The following KDM4C variants were observed in gnomAD, a reference collection of about 807,000 sequenced individuals.
KDM4C encodes the protein lysine-specific demethylase 4C.
Under a neutral mutation model 129.3 loss-of-function variants are expected in KDM4C, and 81 were observed. That is an observed-to-expected ratio of 0.63 (90% CI 0.52 to 0.75). The LOEUF (loss-of-function observed/expected upper bound fraction) is 0.75. Ranked by LOEUF, KDM4C falls within the 30% of genes least tolerant of loss-of-function variation. The pLI is 0.00. For synonymous variants in KDM4C, 573 were observed against 456.1 expected (o/e 1.26, Z -3.26); for missense variants, 1,457 against 1,304.0 (o/e 1.12, Z -1.81).
chr9:7,150,416 C>G (rs112300297), intron 19 of KDM4C, among the ~76,000 whole-genome samples: 1 of 152,228 alleles, frequency 6.6e-6, no homozygotes, highest in Non-Finnish European at 1.5e-5. Flanking sequence ...GTTCCCACCT[C>G]TTTGCCTAAC....
At chr9:6,937,804 C>T (rs1033565512) in intron 8 of KDM4C, among the ~76,000 whole-genome samples, 10 of 152,068 alleles carry the variant, frequency 6.6e-5, no homozygotes, top group East Asian at 5.8e-4. Flanking sequence ...CTCTGCCTCC[C>T]GGGTTCAAGC....
intron 9 of KDM4C, among the ~76,000 whole-genome samples, chr9:6,983,802 C>T (rs1045544132): frequency 6.6e-6 from 1 of 151,934 alleles, no homozygotes. Context: ...TTATTTTCTT[C>T]ATTTTCTAAA....
At chr9:6,957,163 A>AT (rs1829212477) in intron 8 of KDM4C, among the ~76,000 whole-genome samples, 1 of 152,126 alleles carries the variant, frequency 6.6e-6, no homozygotes, top group African/African-American at 2.4e-5. Flanking sequence ...AAGCTGTTTT[A>AT]TTTGTAATGC....
At chr9:7,000,842 G>A (rs1185162853) in intron 12 of KDM4C, among the ~76,000 whole-genome samples, 2 of 152,070 alleles carry the variant, frequency 1.3e-5, no homozygotes, top group Non-Finnish European at 2.9e-5. Flanking sequence ...CCTTTTCTTT[G>A]GTTGTAAAAT....
At chr9:6,775,910 C>G (rs1416908341) in intron 1 of KDM4C, among the ~76,000 whole-genome samples, 3 of 152,166 alleles carry the variant, frequency 2.0e-5, no homozygotes, top group African/African-American at 7.2e-5. Flanking sequence ...ACAGCATCTA[C>G]CCATTAGATG....
chr9:7,031,909 G>A (rs1826848383), intron 15 of KDM4C, among the ~76,000 whole-genome samples: 1 of 152,138 alleles, frequency 6.6e-6, no homozygotes. Context: ...CCCTAGTACT[G>A]CTAAATTTTG....
intron 5 of KDM4C, among the ~76,000 whole-genome samples, chr9:6,873,910 G>A (rs993273485): frequency 2.0e-5 from 3 of 146,724 alleles, no homozygotes; most frequent in African/African-American, 7.7e-5. Flanking sequence ...AGGCGAGAGA[G>A]AGAGCGAGAG....
In KDM4C at chr9:6,915,318, A is replaced by G. The variant is rs556966794; in HGVS notation, c.921+22086A>G. Among the ~76,000 whole-genome samples, 7 of 152,188 alleles carry G rather than the reference A, an allele frequency of 4.6e-5. No individual in the cohort carries two copies. The South Asian group carries it at 1.2e-3, about 27-fold the overall frequency. Reference sequence around the variant, plus strand: ...TTTTAGGTGCTTCAGATTTCCTGTGAGGGGTTTAGGGGGTTGCATAGTAAA... The same window carrying G: ...TTTTAGGTGCTTCAGATTTCCTGTGGGGGGTTTAGGGGGTTGCATAGTAAA... On this transcript the variant is annotated intron_variant, in intron 8 of 21. Transcript: ENST00000381309.
At chr9:6,904,349 C>T (rs1315365402) in intron 8 of KDM4C, among the ~76,000 whole-genome samples, 1 of 151,664 alleles carries the variant, frequency 6.6e-6, no homozygotes, top group Non-Finnish European at 1.5e-5. Context: ...TAGATACTTA[C>T]TACAAGAAAA....
chr9:6,759,283 T>A (rs1465564281), intron 1 of KDM4C, among the ~76,000 whole-genome samples: 2 of 152,150 alleles, frequency 1.3e-5, no homozygotes, highest in East Asian at 1.9e-4. Context: ...TTTAAAAAAA[T>A]GTCTAAATTC....
chr9:6,918,624 T>C (rs1214384104), intron 8 of KDM4C, among the ~76,000 whole-genome samples: 5 of 152,212 alleles, frequency 3.3e-5, no homozygotes, highest in Non-Finnish European at 5.9e-5. Flanking sequence ...TGAATTAATT[T>C]ACATCCCTAC....
rs181922587 is a variant in KDM4C, at chr9:7,099,534, A to T, written c.2425-4151A>T. On this transcript the variant is annotated intron_variant, in intron 17 of 21. Transcript: ENST00000381309. Reference sequence around the variant, plus strand: ...CCTTGACACTGAAGAATAGGTGAAAAAAAATCATTGCACTTCCTTAACTCC... The same window carrying T: ...CCTTGACACTGAAGAATAGGTGAAATAAAATCATTGCACTTCCTTAACTCC... 2.2e-4 allele frequency among the ~76,000 whole-genome samples: 34 copies of T among 152,330 alleles called. No homozygotes were observed. In the East Asian group the frequency reaches 3.5e-3, roughly 16 times the overall value.
At chr9:7,049,532 T>C (rs1829860751) in intron 17 of KDM4C, among the ~76,000 whole-genome samples, 1 of 152,144 alleles carries the variant, frequency 6.6e-6, no homozygotes, top group Admixed American at 6.5e-5. Context: ...TTAAATTGTT[T>C]AGATTTTTCT....
chr9:6,912,858 A>C (rs1253711696), intron 8 of KDM4C, among the ~76,000 whole-genome samples: 1 of 152,126 alleles, frequency 6.6e-6, no homozygotes, highest in Admixed American at 6.5e-5. Flanking sequence ...ACTTTTGATA[A>C]AGAAATAAGG....
chr9:6,733,730 A>G (rs1466531038), intron 1 of KDM4C, among the ~76,000 whole-genome samples: 1 of 152,172 alleles, frequency 6.6e-6, no homozygotes, highest in Non-Finnish European at 1.5e-5. Context: ...GGAATAAAAG[A>G]ATGGCTATTC....
intron 4 of KDM4C, among the ~76,000 whole-genome samples, chr9:6,833,243 A>AT (rs966601543): frequency 8.6e-5 from 13 of 151,910 alleles, no homozygotes; most frequent in Non-Finnish European, 1.3e-4. Flanking sequence ...TATTTAGCCT[A>AT]TTTTTTTTAA....
At chr9:6,980,079 C>A (rs190813566) in intron 8 of KDM4C, among the ~76,000 whole-genome samples, 1 of 152,106 alleles carries the variant, frequency 6.6e-6, no homozygotes, top group African/African-American at 2.4e-5. Flanking sequence ...CAAAACTGTT[C>A]AGTCAGTCTG....
chr9:6,935,958 T>A (rs1043297813), intron 8 of KDM4C, among the ~76,000 whole-genome samples: 14 of 150,694 alleles, frequency 9.3e-5, no homozygotes, highest in Non-Finnish European at 1.6e-4. Flanking sequence ...AAATGTCATC[T>A]TCTTGTTTAG....
intron 8 of KDM4C, among the ~76,000 whole-genome samples, chr9:6,928,139 T>C (rs1822974405): frequency 6.6e-6 from 1 of 152,174 alleles, no homozygotes; most frequent in African/African-American, 2.4e-5. Context: ...CAGGAGTCAG[T>C]TCTTCATCCT....
Sources: gnomAD v4.1 joint callset for allele counts (sites outside exome capture counted in the v4.1 genomes callset) on GRCh38, gnomAD v4.1.1 for gene constraint, MANE v1.5 for transcripts, NCBI Gene and HGNC (gene_info 2026-07-23, HGNC 2026-07-21) for gene names.